GLIS3: variants seen among roughly 807,000 people sequenced by gnomAD.
GLIS3 encodes the protein GLIS family zinc finger 3, also known as zinc finger protein GLIS3.
In GLIS3, 53 loss-of-function variants were observed where a neutral mutation model predicts 78.6. That is an observed-to-expected ratio of 0.67 (90% CI 0.54 to 0.85). The LOEUF (loss-of-function observed/expected upper bound fraction) is 0.85. Ranked by LOEUF, GLIS3 falls within the 40% of genes least tolerant of loss-of-function variation. The pLI is 0.00. For synonymous variants in GLIS3, 684 were observed against 509.9 expected (o/e 1.34, Z -4.60); for missense variants, 1,703 against 1,231.1 (o/e 1.38, Z -5.74).
intron 4 of GLIS3, among the ~76,000 whole-genome samples, chr9:3,953,914 G>C (rs1816908851): frequency 6.6e-6 from 1 of 151,786 alleles, no homozygotes; most frequent in Non-Finnish European, 1.5e-5. Flanking sequence ...GTGGCTTTAT[G>C]TCTGTAGTAC....
At chr9:3,995,956 A>G (rs905397864) in intron 4 of GLIS3, among the ~76,000 whole-genome samples, 18 of 152,158 alleles carry the variant, frequency 1.2e-4, no homozygotes, top group Non-Finnish European at 1.6e-4. Context: ...AGGTTTTAGG[A>G]ATCTTAATAA....
At chr9:4,374,606 T>G in the GLIS3 span, among the ~76,000 whole-genome samples, 1 of 152,236 alleles carries the variant, frequency 6.6e-6, no homozygotes, top group Admixed American at 6.5e-5. Context: ...CTTCCTCCTC[T>G]GTGTGGTTCC....
chr9:4,006,304 C>CAAAA (rs71497513), intron 4 of GLIS3, among the ~76,000 whole-genome samples: 5 of 32,542 alleles, frequency 1.5e-4, no homozygotes, highest in African/African-American at 3.1e-4. Flanking sequence ...TCATATGTCT[C>CAAAA]AAAAAAAAAA....
intron 2 of GLIS3, among the ~76,000 whole-genome samples, chr9:4,274,737 G>C (rs543248435): frequency 6.2e-4 from 94 of 152,198 alleles, no homozygotes; most frequent in Non-Finnish European, 1.2e-3. Context: ...GCAGGACCCT[G>C]TGCAGTGACT....
Position 4,029,705 on chromosome 9 carries a change from C to T in GLIS3, c.1710+88063G>A, listed in dbSNP as rs1283403850. Reference sequence around the variant, plus strand: ...CCCACAAATAAGTCAGAACATGTGGCATTTGTCTTTCTGTGCCTGGCTTAT... The same window carrying T: ...CCCACAAATAAGTCAGAACATGTGGTATTTGTCTTTCTGTGCCTGGCTTAT... On this transcript the variant is annotated intron_variant, in intron 4 of 10. Coordinates refer to ENST00000381971, the MANE Select transcript of GLIS3 (RefSeq NM_001042413.2). Among the ~76,000 whole-genome samples the T allele has an allele frequency of 2.0e-5, 3 of 151,986 alleles. No homozygotes were observed. The East Asian group carries it at 5.8e-4, about 29-fold the overall frequency.
chr9:4,062,713 G>A (rs1826753256), intron 4 of GLIS3, among the ~76,000 whole-genome samples: 1 of 152,170 alleles, frequency 6.6e-6, no homozygotes, highest in Admixed American at 6.5e-5. Flanking sequence ...GGATCACAAG[G>A]TCAGGAGATT....
chr9:4,410,793 C>T, the GLIS3 span, among the ~76,000 whole-genome samples: 1 of 152,156 alleles, frequency 6.6e-6, no homozygotes, highest in Non-Finnish European at 1.5e-5. Context: ...CCAAAGTTGT[C>T]CTTCTGAACA....
intron 4 of GLIS3, among the ~76,000 whole-genome samples, chr9:3,983,884 C>A (rs1318597188): frequency 6.6e-6 from 1 of 152,154 alleles, no homozygotes; most frequent in Non-Finnish European, 1.5e-5. Flanking sequence ...AAAAGAAAAT[C>A]CCATTTTCTA....
the GLIS3 span, among the ~76,000 whole-genome samples, chr9:4,371,723 A>G: frequency 6.6e-6 from 1 of 152,182 alleles, no homozygotes; most frequent in Non-Finnish European, 1.5e-5. Context: ...TTTGCAAAAC[A>G]GAAATTACAC....
chr9:4,415,773 A>G, the GLIS3 span, among the ~76,000 whole-genome samples: 8 of 149,936 alleles, frequency 5.3e-5, no homozygotes, highest in Non-Finnish European at 1.0e-4. Context: ...CAGATCATAT[A>G]CATATTTTTT....
intron 2 of GLIS3, among the ~76,000 whole-genome samples, chr9:4,259,294 T>A (rs1450900191): frequency 1.3e-5 from 2 of 151,970 alleles, no homozygotes; most frequent in African/African-American, 4.8e-5. Context: ...GAGGAGTTAA[T>A]TGATTGCAGA....
rs1401532931 is a variant in GLIS3 at position 4,068,621 on chromosome 9, G to A, written c.1710+49147C>T. ...ATTAGAGAAAATCCTGGGGCTCAAA[G>A]AGCAAGAATTTCACAAGAGACATTC... is the stretch of plus-strand genomic sequence containing the variant. On this transcript the variant is annotated intron_variant, in intron 4 of 10. Coordinates refer to ENST00000381971, the MANE Select transcript of GLIS3 (RefSeq NM_001042413.2). 2.0e-5 allele frequency among the ~76,000 whole-genome samples: 3 copies of A among 152,088 alleles called. No individual in the cohort carries two copies. In the East Asian group the frequency reaches 5.8e-4, roughly 29 times the overall value.
At chr9:4,256,910 G>C (rs1056116620) in intron 2 of GLIS3, among the ~76,000 whole-genome samples, 1 of 152,172 alleles carries the variant, frequency 6.6e-6, no homozygotes, top group African/African-American at 2.4e-5. Flanking sequence ...GTTCACTGAA[G>C]CATTATTCTC....
chr9:4,407,352 A>C, the GLIS3 span, among the ~76,000 whole-genome samples: 7 of 152,252 alleles, frequency 4.6e-5, no homozygotes, highest in African/African-American at 1.7e-4. Flanking sequence ...GCAAGAAAAC[A>C]CTGGAAAAAC....
chr9:3,953,795 CTATATATA>C (rs57500093), intron 4 of GLIS3, among the ~76,000 whole-genome samples: 10,875 of 72,586 alleles, frequency 0.15, 628 homozygotes, highest in Middle Eastern at 0.21. Context: ...CTCTCTCTCT[CTATATATA>C]TATATATATA....
chr9:4,236,712 T>C lies in GLIS3; in HGVS notation c.388+49326A>G, dbSNP rs1294766293. 2.0e-4 allele frequency among the ~76,000 whole-genome samples: 30 copies of C among 152,204 alleles called. 1 individual carries two copies. The highest frequency in any genetic ancestry group is 1.7e-3 in the Admixed American group (26 of 15,266). ...CATAAATATTATTGAGCCCCCACTA[T>C]GTGTAAGGCAATTTTAGGTGCTGTT... On this transcript the variant is annotated intron_variant, in intron 2 of 10. Coordinates refer to ENST00000381971, the MANE Select transcript of GLIS3 (RefSeq NM_001042413.2).
At chr9:4,486,040 G>T in the GLIS3 span, among the ~76,000 whole-genome samples, 1 of 151,990 alleles carries the variant, frequency 6.6e-6, no homozygotes, top group Admixed American at 6.6e-5. Flanking sequence ...GCTTTTAGTC[G>T]GGGAGATTTT....
At chr9:4,180,892 C>A (rs1586897981) in intron 2 of GLIS3, among the ~76,000 whole-genome samples, 1 of 152,264 alleles carries the variant, frequency 6.6e-6, no homozygotes, top group East Asian at 1.9e-4. Context: ...AAGTATAGGT[C>A]CCACCCAAGT....
At chr9:4,387,200 G>A in the GLIS3 span, among the ~76,000 whole-genome samples, 1 of 152,198 alleles carries the variant, frequency 6.6e-6, no homozygotes, top group African/African-American at 2.4e-5. Context: ...TAGAATCTCT[G>A]TGCTTCCTTA....
Sources: allele counts gnomAD v4.1 joint callset (sites outside exome capture counted in the v4.1 genomes callset), GRCh38; gene constraint gnomAD v4.1.1; transcripts MANE v1.5; gene names NCBI Gene and HGNC (gene_info 2026-07-23, HGNC 2026-07-21).